The following PARD3 variants were observed in gnomAD, a reference collection of about 807,000 sequenced individuals.
PARD3 encodes the protein par-3 family cell polarity regulator.
Under a neutral mutation model 155.4 loss-of-function variants are expected in PARD3, and 75 were observed. The ratio of observed to expected loss-of-function variants is 0.48; its 90% CI spans 0.40 to 0.58. The LOEUF is 0.58. PARD3 is among the 20% of genes least tolerant of loss of function. The pLI, the probability that PARD3 is intolerant of heterozygous loss-of-function variation, is 0.00. For missense variants in PARD3, 1,642 were observed against 1,721.7 expected, an observed-to-expected ratio of 0.95 and a Z score of 0.82; for synonymous variants, 576 against 610.5, an observed-to-expected ratio of 0.94 and a Z score of 0.83.
chr10:34,386,655 T>C (rs1002480682), intron 7 of PARD3, among the ~76,000 whole-genome samples: 15 of 151,962 alleles, frequency 9.9e-5, no homozygotes, highest in African/African-American at 3.6e-4. Flanking sequence ...AAACCCCCTC[T>C]CTACTAAAAG....
intron 1 of PARD3, among the ~76,000 whole-genome samples, chr10:34,702,232 G>A (rs2094292938): frequency 6.6e-6 from 1 of 151,466 alleles, no homozygotes; most frequent in South Asian, 2.1e-4. Context: ...GTGCATACCT[G>A]TAGTCCCAGC....
At chr10:34,537,704 G>A (rs1357010674) in intron 2 of PARD3, among the ~76,000 whole-genome samples, 1 of 152,166 alleles carries the variant, frequency 6.6e-6, no homozygotes, top group Non-Finnish European at 1.5e-5. Context: ...CAAATACAAA[G>A]AAAAGCCATT....
intron 1 of PARD3, among the ~76,000 whole-genome samples, chr10:34,747,300 AG>A (rs1564574672): frequency 1.3e-5 from 2 of 152,164 alleles, no homozygotes; most frequent in African/African-American, 4.8e-5. Flanking sequence ...CAGCCACTCT[AG>A]AGAGAGACAG....
chr10:34,410,798 G>C (rs1257904574), intron 5 of PARD3, among the ~76,000 whole-genome samples: 1 of 152,172 alleles, frequency 6.6e-6, no homozygotes, highest in Non-Finnish European at 1.5e-5. Flanking sequence ...GTGGGAGACA[G>C]AGACAGTGTC....
intron 23 of PARD3, among the ~76,000 whole-genome samples, chr10:34,129,610 TC>T (rs977665130): frequency 7.3e-5 from 11 of 150,298 alleles, no homozygotes; most frequent in Admixed American, 7.3e-4. Context: ...ACCTTTAATC[TC>T]CCCTTCCCTT....
chr10:34,463,764 A>G (rs1373700332), intron 4 of PARD3, among the ~76,000 whole-genome samples: 1 of 152,250 alleles, frequency 6.6e-6, no homozygotes, highest in East Asian at 1.9e-4. Flanking sequence ...TGGTGATCAC[A>G]TAAGATTAAA....
intron 22 of PARD3, among the ~76,000 whole-genome samples, chr10:34,213,212 G>A (rs1951838232): frequency 6.6e-6 from 1 of 152,152 alleles, no homozygotes; most frequent in South Asian, 2.1e-4. Flanking sequence ...GAAAGTGAAA[G>A]GGGGGTGGGT....
At chr10:34,621,889 T>C (rs1365387643) in intron 2 of PARD3, among the ~76,000 whole-genome samples, 2 of 150,054 alleles carry the variant, frequency 1.3e-5, no homozygotes, top group Non-Finnish European at 2.9e-5. Flanking sequence ...TTTGATAAAG[T>C]AAATTCCCAA....
chr10:34,234,500 C>T (rs1953111502), intron 22 of PARD3, among the ~76,000 whole-genome samples: 1 of 152,168 alleles, frequency 6.6e-6, no homozygotes, highest in South Asian at 2.1e-4. Flanking sequence ...AAACATCTCC[C>T]AGCCTTTTGC....
intron 1 of PARD3, among the ~76,000 whole-genome samples, chr10:34,725,842 T>C (rs145739018): frequency 2.4e-4 from 36 of 152,366 alleles, no homozygotes; most frequent in African/African-American, 8.7e-4. Flanking sequence ...GCAGATACTT[T>C]ACTACACCTA....
At chr10:34,343,209 A>T in intron 15 of PARD3, 2 of 496,456 alleles carry the variant, frequency 4.0e-6, no homozygotes, top group South Asian at 8.7e-5. Context: ...ACCACTGACG[A>T]GGCATGTCAC....
intron 2 of PARD3, among the ~76,000 whole-genome samples, chr10:34,659,810 T>A (rs2093276385): frequency 1.3e-5 from 2 of 152,206 alleles, no homozygotes. Flanking sequence ...GGTACCTAGT[T>A]AGAACCTGTT....
chr10:34,270,247 A>G (rs1202144324), intron 21 of PARD3, among the ~76,000 whole-genome samples: 3 of 149,964 alleles, frequency 2.0e-5, no homozygotes, highest in Non-Finnish European at 4.4e-5. Flanking sequence ...GGTTCAAGTG[A>G]TTCTTGTGCC....
At chr10:34,808,150 C>A (rs1843636297) in intron 1 of PARD3, among the ~76,000 whole-genome samples, 1 of 150,292 alleles carries the variant, frequency 6.7e-6, no homozygotes, top group Non-Finnish European at 1.5e-5. Flanking sequence ...GCCGTCTCTA[C>A]AAAAACTACA....
At chr10:34,716,198 C>A (rs77734297) in intron 1 of PARD3, among the ~76,000 whole-genome samples, 2,277 of 152,260 alleles carry the variant, frequency 0.015, 62 homozygotes, top group African/African-American at 0.051. Flanking sequence ...AAATGTAATG[C>A]GTGTGCCTTC....
At chr10:34,584,594 T>C (rs2087825371) in intron 2 of PARD3, among the ~76,000 whole-genome samples, 1 of 152,172 alleles carries the variant, frequency 6.6e-6, no homozygotes, top group Non-Finnish European at 1.5e-5. Context: ...TTCCTAATAA[T>C]TCACATGAAA....
At chr10:34,722,587 A>T (rs1181494891) in intron 1 of PARD3, among the ~76,000 whole-genome samples, 2 of 152,062 alleles carry the variant, frequency 1.3e-5, no homozygotes, top group Non-Finnish European at 2.9e-5. Flanking sequence ...GTTCCGTCTC[A>T]CTCTCCAGGG....
Position 34,341,616 on chromosome 10 carries a change from G to A in PARD3, c.2408+11C>T, listed in dbSNP as rs751081979. ...TAATTCATGTTTTCCAACCCTGGACGATGAGCTTACCAGTCGGCTGAATCA... is the reference window on the plus strand; with the variant it reads ...TAATTCATGTTTTCCAACCCTGGACAATGAGCTTACCAGTCGGCTGAATCA... On this transcript the variant is annotated intron_variant, in intron 16 of 24. Coordinates refer to ENST00000374788, the MANE Select transcript of PARD3 (RefSeq NM_001184785.2). 15 of 1,604,836 alleles carry A rather than the reference G, an allele frequency of 9.3e-6. No individual in the cohort carries two copies. Among genetic ancestry groups the A allele is most frequent in the Middle Eastern group, 1.8e-4 (1 of 5,692 alleles).
At chr10:34,371,509 A>C (rs1840629424) in intron 12 of PARD3, among the ~76,000 whole-genome samples, 4 of 128,662 alleles carry the variant, frequency 3.1e-5, no homozygotes, top group Admixed American at 8.6e-5. Context: ...AAAAAAAAAA[A>C]AAAAAAAAAA....
Sources: gnomAD v4.1 joint callset for allele counts (sites outside exome capture counted in the v4.1 genomes callset) on GRCh38, gnomAD v4.1.1 for gene constraint, MANE v1.5 for transcripts, NCBI Gene and HGNC (gene_info 2026-07-23, HGNC 2026-07-21) for gene names.